The following DDX55 variants were observed in gnomAD, a reference collection of about 807,000 sequenced individuals.
The protein encoded by DDX55 is DEAD-box helicase 55.
In DDX55, 56 loss-of-function variants were observed where a neutral mutation model predicts 69.2. The observed-to-expected ratio is 0.81, with a 90% CI of 0.65 to 1.01. The LOEUF is 1.01. Among genes scored for constraint, DDX55 ranks in the 50% least tolerant of loss-of-function variants. DDX55 has a pLI of 0.00. For missense variants in DDX55, 720 were observed against 745.1 expected (o/e 0.97, Z 0.39); for synonymous variants, 268 against 273.1 (o/e 0.98, Z 0.18).
At chr12:123,612,748 G>A (rs1219974665) in intron 7 of DDX55, among the ~76,000 whole-genome samples, 3 of 151,500 alleles carry the variant, frequency 2.0e-5, no homozygotes, top group Non-Finnish European at 1.5e-5. Context: ...CTTTAGAGTT[G>A]AGGTGGGAGG....
chr12:123,602,215 G>A lies in DDX55; in HGVS notation c.67G>A (p.Ala23Thr). ...PVPLHPQVLGALRELGFPYMT... is the reference protein window; with the variant it reads ...PVPLHPQVLGTLRELGFPYMT... Reference sequence around the variant, plus strand: ...GCCGCTGCACCCGCAGGTGCTGGGCGCGCTGCGGGAGCTGGGCTTCCCGTA... The same window carrying A: ...GCCGCTGCACCCGCAGGTGCTGGGCACGCTGCGGGAGCTGGGCTTCCCGTA... Residue 23 changes from alanine (A) to threonine (T), a missense_variant, in exon 1 of 14, where the codon GCG becomes ACG. Coordinates refer to ENST00000238146, the MANE Select transcript of DDX55 (RefSeq NM_020936.3). The A allele has an allele frequency of 6.4e-7, 1 of 1,572,656 alleles. No individual in the cohort carries two copies.
rs773049141 is a variant in DDX55, at chr12:123,607,507, C to G, written c.322C>G (p.His108Asp). The change falls in exon 4 of 14, where the codon CAC becomes GAC. Residue 108 changes from histidine (H) to aspartate (D), a missense_variant. By Grantham distance (81) the His-to-Asp change is moderately conservative. Coordinates refer to ENST00000238146, the MANE Select transcript of DDX55 (RefSeq NM_020936.3). ...CGAGGTCCTGTCGCATTTCACGAAG[C>G]ACTTCCCCGAGTTCAGGTGAATTGG... ...IDEVLSHFTK[H>D]FPEFSQILWI... 2 of 1,614,166 alleles carry G rather than the reference C, an allele frequency of 1.2e-6. No homozygotes were observed. The highest frequency in any genetic ancestry group is 2.2e-5 in the East Asian group (1 of 44,890).
intron 2 of DDX55, 46 bp downstream of exon 2, chr12:123,606,027 G>C (rs1356644540): frequency 6.8e-6 from 11 of 1,608,158 alleles, no homozygotes; most frequent in Non-Finnish European, 9.3e-6. Context: ...TTCTCCCTCA[G>C]ATGAACTCTG....
intron 6 of DDX55, 82 bp downstream of exon 6, chr12:123,608,911 A>G (rs1954045117): frequency 8.3e-7 from 1 of 1,207,362 alleles, no homozygotes; most frequent in Non-Finnish European, 1.1e-6. Flanking sequence ...TTACTGTTTC[A>G]TGACTAGGTA....
At chr12:123,617,048 G>A (rs936339657) in intron 10 of DDX55, among the ~76,000 whole-genome samples, 1 of 152,194 alleles carries the variant, frequency 6.6e-6, no homozygotes, top group Admixed American at 6.5e-5. Flanking sequence ...TACTTGAGAG[G>A]CTGAGGCAGG....
At chr12:123,606,542 CAG>C (rs1443309570) in intron 3 of DDX55, among the ~76,000 whole-genome samples, 2 of 151,610 alleles carry the variant, frequency 1.3e-5, no homozygotes, top group East Asian at 1.9e-4. Context: ...CAGGTGTAAA[CAG>C]TGTCCTTTTC....
intron 10 of DDX55, among the ~76,000 whole-genome samples, chr12:123,617,261 T>TTCAAATATATCAAATA (rs1413228504): frequency 1.3e-5 from 2 of 152,248 alleles, no homozygotes; most frequent in East Asian, 3.8e-4. Flanking sequence ...ATATTATCAG[T>TTCAAATATATCAAATA]TCTTGCAGAA....
At chr12:123,614,203 G>C (rs954324587) in intron 8 of DDX55, among the ~76,000 whole-genome samples, 2 of 152,120 alleles carry the variant, frequency 1.3e-5, no homozygotes, top group African/African-American at 2.4e-5. Context: ...TTAAAATGCT[G>C]GTCGAGACCC....
Position 123,613,047 on chromosome 12 carries a change from T to A in DDX55, c.742-123T>A, listed in dbSNP as rs903392043. On this transcript the variant is annotated intron_variant, in intron 7 of 13. Transcript: ENST00000238146. ...TAGGTAGACCAGTTAACATTCCGAC[T>A]AAAGTCTGTCCTACCCATGGGGGAA... The A allele has an allele frequency of 6.3e-6, 6 of 958,828 alleles. 1 individual carries two copies. The South Asian group carries it at 7.6e-5, about 12-fold the overall frequency. The allele number at this position is 958,828 out of a possible 1,614,324, so 59.4% of individuals were successfully genotyped here.
At chr12:123,607,825 C>T in intron 5 of DDX55, 163 bp downstream of exon 5, 1 of 913,402 alleles carries the variant, frequency 1.1e-6, no homozygotes, top group Non-Finnish European at 1.7e-6. Flanking sequence ...TTTGCTGGCT[C>T]CTTCCCATAA....
intron 10 of DDX55, 113 bp from the exon 11 acceptor site, chr12:123,617,645 T>C (rs1355345090): frequency 8.4e-6 from 7 of 831,612 alleles, no homozygotes; most frequent in Non-Finnish European, 1.3e-5. Flanking sequence ...CACTGAGCTG[T>C]GGAGGCTAGA....
At chr12:123,615,342 A>C (rs1222403063) in intron 9 of DDX55, 26 bp downstream of exon 9, 4 of 1,611,116 alleles carry the variant, frequency 2.5e-6, no homozygotes, top group Non-Finnish European at 3.4e-6. Flanking sequence ...TGAAGGTAGC[A>C]GCTCTCCTGC....
At chr12:123,602,313 A>C in intron 1 of DDX55, 57 bp downstream of exon 1, 1 of 1,454,018 alleles carries the variant, frequency 6.9e-7, no homozygotes, top group Non-Finnish European at 9.2e-7. Flanking sequence ...CACCCGCTGC[A>C]TCGGACCCAC....
At chr12:123,606,366 A>C (rs924197123) in intron 3 of DDX55, among the ~76,000 whole-genome samples, 12 of 152,104 alleles carry the variant, frequency 7.9e-5, no homozygotes, top group African/African-American at 2.7e-4. Flanking sequence ...TCATCTCTAC[A>C]AATAATGAAT....
Position 123,620,705 on chromosome 12 carries a change from A to G in DDX55, c.*565A>G, listed in dbSNP as rs930088602. On this transcript the variant is annotated 3_prime_UTR_variant, in exon 14 of 14. Coordinates refer to ENST00000238146, the MANE Select transcript of DDX55 (RefSeq NM_020936.3). ...GAAGTCTTCTTGACTTCTGATTTTC[A>G]AAACCATTCCTCAGTATCTTCAGGC... The G allele has an allele frequency of 2.5e-4, 37 of 146,670 alleles. No homozygotes were observed. The highest frequency in any genetic ancestry group is 2.8e-4 in the Admixed American group (4 of 14,328). The allele number at this position is 146,670 out of a possible 1,614,324, so 9.1% of individuals were successfully genotyped here.
intron 7 of DDX55, among the ~76,000 whole-genome samples, chr12:123,610,763 C>T (rs1047912797): frequency 6.6e-6 from 1 of 151,682 alleles, no homozygotes; most frequent in Non-Finnish European, 1.5e-5. Flanking sequence ...AGGCGCCCGC[C>T]ACCACGCCCG....
intron 1 of DDX55, 91 bp from the exon 2 acceptor site, chr12:123,605,840 C>T (rs774336718): frequency 2.6e-5 from 40 of 1,563,602 alleles, no homozygotes; most frequent in Admixed American, 6.7e-5. Context: ...CCCACTGTGA[C>T]CTTAGCTGCC....
At chr12:123,611,963 A>G (rs1954277513) in intron 7 of DDX55, among the ~76,000 whole-genome samples, 1 of 152,214 alleles carries the variant, frequency 6.6e-6, no homozygotes, top group Non-Finnish European at 1.5e-5. Flanking sequence ...AGTAGTATAC[A>G]GCTTCGTAGG....
At chr12:123,608,305 G>A in intron 5 of DDX55, 1 of 174,012 alleles carries the variant, frequency 5.7e-6, no homozygotes, top group Non-Finnish European at 1.2e-5. Flanking sequence ...AATGTTTTCG[G>A]CTTTGTGAAC....
Sources: allele counts gnomAD v4.1 joint callset (sites outside exome capture counted in the v4.1 genomes callset), GRCh38; gene constraint gnomAD v4.1.1; transcripts MANE v1.5; gene names NCBI Gene and HGNC (gene_info 2026-07-23, HGNC 2026-07-21).